Variants in SLC39A11 observed in about 807,000 individuals in gnomAD.
The protein encoded by SLC39A11 is solute carrier family 39 member 11.
In SLC39A11, 33 loss-of-function variants were observed where a neutral mutation model predicts 36.1. That is an observed-to-expected ratio of 0.91 (90% confidence interval 0.69 to 1.22). The LOEUF is 1.22. SLC39A11 is among the 50% of genes most tolerant of loss of function. The pLI is 0.00. For synonymous variants in SLC39A11, 166 were observed against 170.3 expected, an observed-to-expected ratio of 0.97 and a Z score of 0.20; for missense variants, 432 against 430.3, an observed-to-expected ratio of 1.00 and a Z score of -0.03.
intron 6 of SLC39A11, among the ~76,000 whole-genome samples, chr17:72,762,899 CTGTGACTCT>C (rs2075638117): frequency 6.6e-6 from 1 of 152,214 alleles, no homozygotes; most frequent in Non-Finnish European, 1.5e-5. Flanking sequence ...TTACTGCTTG[CTGTGACTCT>C]TCTTTTGAGA....
chr17:72,902,798 T>C (rs2082458626), intron 5 of SLC39A11, among the ~76,000 whole-genome samples: 1 of 151,842 alleles, frequency 6.6e-6, no homozygotes, highest in South Asian at 2.1e-4. Flanking sequence ...TTCCAGTGGG[T>C]ACCCCTCTGC....
intron 3 of SLC39A11, among the ~76,000 whole-genome samples, chr17:73,078,373 CAGAT>C (rs141161131): frequency 5.3e-5 from 8 of 151,896 alleles, no homozygotes; most frequent in East Asian, 1.9e-4. Flanking sequence ...AATATGCAGA[CAGAT>C]AGATCAGATA....
intron 6 of SLC39A11, among the ~76,000 whole-genome samples, chr17:72,779,147 A>G (rs1313511201): frequency 6.6e-6 from 1 of 152,202 alleles, no homozygotes; most frequent in Non-Finnish European, 1.5e-5. Flanking sequence ...GGATGGCCTC[A>G]TTAAGGGCAT....
intron 6 of SLC39A11, among the ~76,000 whole-genome samples, chr17:72,802,760 G>A (rs1481984637): frequency 2.0e-5 from 3 of 152,140 alleles, no homozygotes; most frequent in East Asian, 3.9e-4. Context: ...GCCACTCACT[G>A]TAAACCAGTA....
intron 7 of SLC39A11, among the ~76,000 whole-genome samples, chr17:72,730,084 A>G (rs958569163): frequency 6.6e-6 from 1 of 152,156 alleles, no homozygotes; most frequent in African/African-American, 2.4e-5. Context: ...AATGAACGTA[A>G]GCTTTCTAAT....
At chr17:72,911,929 C>A (rs2147119725) in intron 5 of SLC39A11, among the ~76,000 whole-genome samples, 1 of 152,232 alleles carries the variant, frequency 6.6e-6, no homozygotes, top group Non-Finnish European at 1.5e-5. Context: ...CAGGCGTGAG[C>A]CACTGCAGCC....
At chr17:72,926,896 T>C (rs1006192926) in intron 5 of SLC39A11, among the ~76,000 whole-genome samples, 5 of 152,046 alleles carry the variant, frequency 3.3e-5, no homozygotes, top group Admixed American at 6.6e-5. Flanking sequence ...AGACTCAAAG[T>C]CTTCTGTTCA....
chr17:72,735,438 G>A (rs1664103350), intron 7 of SLC39A11, among the ~76,000 whole-genome samples: 1 of 152,156 alleles, frequency 6.6e-6, no homozygotes, highest in African/African-American at 2.4e-5. Flanking sequence ...CGATCAATGG[G>A]TGCAGGAGGG....
intron 1 of SLC39A11, chr17:73,092,330 G>C (rs1159606157): frequency 6.6e-6 from 1 of 152,250 alleles, no homozygotes; most frequent in African/African-American, 2.4e-5. Flanking sequence ...ATTTGGGTTA[G>C]GACTGTAAAA....
chr17:72,745,582 T>A (rs2074900557), intron 6 of SLC39A11, among the ~76,000 whole-genome samples: 1 of 152,182 alleles, frequency 6.6e-6, no homozygotes, highest in African/African-American at 2.4e-5. Flanking sequence ...TTTCCCTGTA[T>A]GCTGTTGTGA....
At chr17:72,932,981 A>G (rs897894229) in intron 5 of SLC39A11, among the ~76,000 whole-genome samples, 1 of 152,252 alleles carries the variant, frequency 6.6e-6, no homozygotes, top group Non-Finnish European at 1.5e-5. Context: ...TACAGGTAAC[A>G]TCACACTCAA....
At chr17:73,021,322 A>AG (rs2058344400) in intron 4 of SLC39A11, among the ~76,000 whole-genome samples, 1 of 151,864 alleles carries the variant, frequency 6.6e-6, no homozygotes, top group South Asian at 2.1e-4. Context: ...ATGCATACTC[A>AG]GTTCCCTTAC....
At chr17:72,933,203 G>C (rs936259394) in intron 5 of SLC39A11, among the ~76,000 whole-genome samples, 1 of 152,176 alleles carries the variant, frequency 6.6e-6, no homozygotes, top group African/African-American at 2.4e-5. Flanking sequence ...AAAATTCTTA[G>C]AACCAATAAA....
chr17:72,813,823 G>A (rs1028949213), intron 6 of SLC39A11, among the ~76,000 whole-genome samples: 3 of 152,224 alleles, frequency 2.0e-5, no homozygotes, highest in Non-Finnish European at 4.4e-5. Context: ...GGCAGAGGGA[G>A]GCGGCAGAGA....
At chr17:72,744,425 G>GA (rs201510272) in intron 6 of SLC39A11, among the ~76,000 whole-genome samples, 69 of 149,496 alleles carry the variant, frequency 4.6e-4, no homozygotes, top group African/African-American at 1.4e-3. Flanking sequence ...GACACTTACA[G>GA]AAAAAAAAAA....
chr17:72,734,792 C>T (rs1179924389), intron 7 of SLC39A11, among the ~76,000 whole-genome samples: 1 of 152,178 alleles, frequency 6.6e-6, no homozygotes, highest in East Asian at 1.9e-4. Flanking sequence ...TGGGCACAGA[C>T]CTCTGCAGCG....
At chr17:72,963,406 G>A (rs908229295) in intron 4 of SLC39A11, among the ~76,000 whole-genome samples, 9 of 151,856 alleles carry the variant, frequency 5.9e-5, no homozygotes, top group South Asian at 2.1e-4. Context: ...TCCTGACCTC[G>A]TGATCCGCCC....
intron 6 of SLC39A11, among the ~76,000 whole-genome samples, chr17:72,793,473 T>G (rs553724681): frequency 5.3e-5 from 8 of 152,312 alleles, no homozygotes; most frequent in Non-Finnish European, 1.0e-4. Context: ...TTTTCTTTCT[T>G]TCATACAATG....
At chr17:72,872,567 T>C (rs552772339) in intron 5 of SLC39A11, among the ~76,000 whole-genome samples, 2 of 152,346 alleles carry the variant, frequency 1.3e-5, no homozygotes, top group East Asian at 3.9e-4. Flanking sequence ...AAATCTTACA[T>C]AGCTGATCCA....
Sources: gnomAD v4.1 joint callset for allele counts (sites outside exome capture counted in the v4.1 genomes callset) on GRCh38, gnomAD v4.1.1 for gene constraint, MANE v1.5 for transcripts, NCBI Gene and HGNC (gene_info 2026-07-23, HGNC 2026-07-21) for gene names.